PLEKHH2: variants seen among roughly 807,000 people sequenced by gnomAD.
PLEKHH2 encodes pleckstrin homology domain-containing family H member 2.
Under a neutral mutation model 187.9 loss-of-function variants are expected in PLEKHH2, and 129 were observed. That is an observed-to-expected ratio of 0.69 (90% CI 0.59 to 0.79). The LOEUF is 0.79. Among genes scored for constraint, PLEKHH2 ranks in the 30% least tolerant of loss-of-function variants. The probability of loss-of-function intolerance (pLI) is 0.00; values close to 1 mark genes in which losing one functional copy is unlikely to be tolerated. For synonymous variants in PLEKHH2, 686 were observed against 605.6 expected (o/e 1.13, Z -1.95); for missense variants, 2,076 against 1,751.2 (o/e 1.19, Z -3.31).
chr2:43,683,616 A>C (rs1288560193), intron 3 of PLEKHH2, among the ~76,000 whole-genome samples: 1 of 151,978 alleles, frequency 6.6e-6, no homozygotes, highest in Non-Finnish European at 1.5e-5. Context: ...GAGTTTGCCT[A>C]TTGCATACCT....
chr2:43,647,029 C>T (rs1235073343), intron 2 of PLEKHH2, among the ~76,000 whole-genome samples: 1 of 151,910 alleles, frequency 6.6e-6, no homozygotes. Context: ...ATATTTTTCT[C>T]AGGTTTAAAA....
At position 43,699,985 on chromosome 2, in the gene PLEKHH2, A is replaced by G; in HGVS notation, c.1027A>G (p.Ile343Val). The change falls in exon 8 of 30, where the codon ATA (isoleucine) becomes GTA (valine). Residue 343 changes from isoleucine (I) to valine (V), a missense_variant. By Grantham distance (29) the Ile-to-Val change is conservative (BLOSUM62 3). Coordinates refer to ENST00000282406, the MANE Select transcript of PLEKHH2 (RefSeq NM_172069.4). ...TATATTTGAGGAAGAGACTTTTGGCATAAAGAGACCAGAACACAAGAAGCT... is the reference window on the plus strand; with the variant it reads ...TATATTTGAGGAAGAGACTTTTGGCGTAAAGAGACCAGAACACAAGAAGCT... ...SSIFEEETFGIKRPEHKKLYS... is the reference protein window; with the variant it reads ...SSIFEEETFGVKRPEHKKLYS... 1 of 1,614,212 alleles carries G rather than the reference A, an allele frequency of 6.2e-7. No homozygotes were observed. The highest frequency in any genetic ancestry group is 1.6e-4 in the Middle Eastern group (1 of 6,062).
At chr2:43,651,280 G>A (rs1354726215) in intron 2 of PLEKHH2, among the ~76,000 whole-genome samples, 1 of 151,846 alleles carries the variant, frequency 6.6e-6, no homozygotes, top group African/African-American at 2.4e-5. Flanking sequence ...TCTTGGCCAA[G>A]CTGGTCTCGA....
intron 15 of PLEKHH2, among the ~76,000 whole-genome samples, chr2:43,717,015 C>G (rs927413845): frequency 6.6e-6 from 1 of 152,202 alleles, no homozygotes; most frequent in African/African-American, 2.4e-5. Flanking sequence ...GTTTCGTGAT[C>G]AAACATGGAA....
chr2:43,690,078 T>C (rs1193414408), intron 3 of PLEKHH2, among the ~76,000 whole-genome samples: 1 of 152,238 alleles, frequency 6.6e-6, no homozygotes, highest in East Asian at 1.9e-4. Context: ...AACTATCATT[T>C]TGGACTTGGG....
intron 2 of PLEKHH2, among the ~76,000 whole-genome samples, chr2:43,666,980 T>C (rs1174845868): frequency 6.6e-6 from 1 of 152,188 alleles, no homozygotes; most frequent in African/African-American, 2.4e-5. Context: ...TATCTCATTT[T>C]TCTTAATAGT....
intron 23 of PLEKHH2, among the ~76,000 whole-genome samples, chr2:43,744,340 C>T (rs1352822187): frequency 6.6e-6 from 1 of 152,082 alleles, no homozygotes; most frequent in Non-Finnish European, 1.5e-5. Context: ...TTTATTGTAT[C>T]CCAGGGGCTG....
At chr2:43,657,427 G>A (rs1443655528) in intron 2 of PLEKHH2, among the ~76,000 whole-genome samples, 1 of 152,164 alleles carries the variant, frequency 6.6e-6, no homozygotes, top group East Asian at 1.9e-4. Flanking sequence ...CGCTCCCAAG[G>A]TAGCCAGATC....
At chr2:43,653,415 C>G (rs1185523621) in intron 2 of PLEKHH2, among the ~76,000 whole-genome samples, 1 of 152,130 alleles carries the variant, frequency 6.6e-6, no homozygotes, top group Non-Finnish European at 1.5e-5. Flanking sequence ...AAAATTATAT[C>G]AAACCCAGAA....
chr2:43,706,487 G>C, intron 10 of PLEKHH2, 71 bp downstream of exon 10: 1 of 1,117,452 alleles, frequency 8.9e-7, no homozygotes, highest in Non-Finnish European at 1.3e-6. Flanking sequence ...GTTAATTCAA[G>C]CTCCAGATTC....
intron 3 of PLEKHH2, among the ~76,000 whole-genome samples, chr2:43,690,816 T>C (rs1457709860): frequency 1.3e-5 from 2 of 152,194 alleles, no homozygotes; most frequent in Non-Finnish European, 1.5e-5. Flanking sequence ...CCTTGTGAAG[T>C]TTCTGCTGAG....
At chr2:43,710,608 T>TTTTG in intron 14 of PLEKHH2, 33 bp downstream of exon 14, 1 of 1,513,448 alleles carries the variant, frequency 6.6e-7, no homozygotes, top group Non-Finnish European at 8.8e-7. Flanking sequence ...TTTTTTTTTT[T>TTTTG]GTATCATGCC....
At chr2:43,764,121 A>T (rs1322879268) in intron 28 of PLEKHH2, 107 bp from the exon 29 acceptor site, 1 of 631,592 alleles carries the variant, frequency 1.6e-6, no homozygotes, top group Non-Finnish European at 2.4e-6. Flanking sequence ...GTATTATACC[A>T]TAATTGATTA....
In PLEKHH2 at chr2:43,700,128, T is replaced by G. The variant is rs761663737; in HGVS notation, c.1170T>G (p.Phe390Leu). ...DSSSDELNKK[F>L]QSQRLDYSSS... Reference sequence around the variant, plus strand: ...CCTCGGATGAACTGAATAAAAAATTTCAATCCCAGAGACTCGATTATTCAT... The same window carrying G: ...CCTCGGATGAACTGAATAAAAAATTGCAATCCCAGAGACTCGATTATTCAT... Residue 390 changes from phenylalanine to leucine, a missense_variant, in exon 8 of 30, where the codon TTT (phenylalanine) becomes TTG (leucine). Phe to Leu is a conservative substitution (Grantham distance 22). Transcript: ENST00000282406. The G allele has an allele frequency of 1.5e-5, 24 of 1,613,990 alleles. No homozygotes were observed. Among genetic ancestry groups the G allele is most frequent in the Non-Finnish European group, 1.8e-5 (21 of 1,180,032 alleles).
Position 43,765,586 on chromosome 2 carries a change from C to T in PLEKHH2, c.4470C>T (p.Pro1490=), listed in dbSNP as rs1329745979. The T allele has an allele frequency of 6.2e-7, 1 of 1,613,156 alleles. No homozygotes were observed. Among genetic ancestry groups the T allele is most frequent in the Non-Finnish European group, 8.5e-7 (1 of 1,179,792 alleles). Residue 1490 remains proline, a synonymous_variant, in exon 30 of 30, where the codon CCC becomes CCT. Coordinates refer to ENST00000282406, the MANE Select transcript of PLEKHH2 (RefSeq NM_172069.4). ...LLSSSRPTKG[P]TLL ...CAAGCAGCAGACCGACCAAAGGCCC[C>T]ACCTTACTCTGAAAGCTGGGGAGCC...
chr2:43,676,557 C>A (rs988739984), intron 2 of PLEKHH2, among the ~76,000 whole-genome samples: 1 of 151,932 alleles, frequency 6.6e-6, no homozygotes, highest in Non-Finnish European at 1.5e-5. Flanking sequence ...GCACGCCTGG[C>A]CTTCCAACCA....
intron 15 of PLEKHH2, among the ~76,000 whole-genome samples, chr2:43,719,602 G>C (rs1670381849): frequency 6.6e-6 from 1 of 152,168 alleles, no homozygotes; most frequent in Non-Finnish European, 1.5e-5. Flanking sequence ...ACCACGCCTG[G>C]CTAATTTTTG....
chr2:43,646,266 G>T (rs1197881028), intron 2 of PLEKHH2, among the ~76,000 whole-genome samples: 1 of 151,700 alleles, frequency 6.6e-6, no homozygotes, highest in Non-Finnish European at 1.5e-5. Flanking sequence ...TTTATCTTTT[G>T]CTCTTCTGTC....
intron 7 of PLEKHH2, among the ~76,000 whole-genome samples, chr2:43,698,241 T>TTC (rs1021594009): frequency 5.0e-5 from 7 of 141,176 alleles, no homozygotes; most frequent in African/African-American, 1.7e-4. Flanking sequence ...TGCTCTTCTC[T>TTC]TCTCTCTCTC....
Sources: allele counts gnomAD v4.1 joint callset (sites outside exome capture counted in the v4.1 genomes callset), GRCh38; gene constraint gnomAD v4.1.1; transcripts MANE v1.5; gene names NCBI Gene and HGNC (gene_info 2026-07-23, HGNC 2026-07-21).